PLSCR2: variants seen among roughly 807,000 people sequenced by gnomAD.
The protein encoded by PLSCR2 is phospholipid scramblase 2, also known as PL scramblase 2.
In PLSCR2, 18 loss-of-function variants were observed where a neutral mutation model predicts 25.3. That is an observed-to-expected ratio of 0.71 (90% CI 0.49 to 1.06). PLSCR2 has a LOEUF of 1.06. Ranked by LOEUF, PLSCR2 falls within the 50% of genes least tolerant of loss-of-function variation. PLSCR2 has a pLI of 0.00. For synonymous variants in PLSCR2, 88 were observed against 87.3 expected (o/e 1.01, Z -0.04); for missense variants, 243 against 269.5 (o/e 0.90, Z 0.69).
intron 2 of PLSCR2, among the ~76,000 whole-genome samples, chr3:146,405,312 T>C (rs544189506): frequency 6.6e-6 from 1 of 152,180 alleles, no homozygotes. Context: ...ATCAATCAGA[T>C]GAATTCTTGG....
At chr3:146,474,433 C>A (rs1560044998) in intron 1 of PLSCR2, among the ~76,000 whole-genome samples, 5 of 152,082 alleles carry the variant, frequency 3.3e-5, no homozygotes, top group African/African-American at 9.6e-5. Context: ...GTTGGAAATT[C>A]TTTTTTTTAA....
At chr3:146,455,425 T>C in exon 4 of PLSCR2, 1 of 1,611,900 alleles carries the variant, frequency 6.2e-7, no homozygotes, top group Non-Finnish European at 8.5e-7. Context: ...TGTTCTTGAT[T>C]TCATACATGT....
chr3:146,432,964 C>T (rs1269799749), downstream of PLSCR2, among the ~76,000 whole-genome samples: 1 of 151,942 alleles, frequency 6.6e-6, no homozygotes, highest in African/African-American at 2.4e-5. Context: ...TTCTTGCCTC[C>T]AACTGATTTC....
At chr3:146,393,603 G>A (rs1444454201) in intron 3 of PLSCR2, among the ~76,000 whole-genome samples, 3 of 151,772 alleles carry the variant, frequency 2.0e-5, no homozygotes, top group Non-Finnish European at 4.4e-5. Flanking sequence ...GAGGTCAAGA[G>A]ATTGAGACCA....
At chr3:146,445,457 C>T (rs1174851804) in intron 6 of PLSCR2, among the ~76,000 whole-genome samples, 1 of 151,858 alleles carries the variant, frequency 6.6e-6, no homozygotes, top group East Asian at 1.9e-4. Flanking sequence ...CGTTTTTTTT[C>T]CTTCAGCACT....
rs376529102 is a variant in PLSCR2, at chr3:146,455,479, C to G, written c.101-20G>C. On this transcript the variant is annotated intron_variant, in intron 3 of 6. Coordinates refer to ENST00000610787, the Ensembl canonical transcript of PLSCR2. Reference sequence around the variant, plus strand: ...ATAGAACTAAAAATGAAAATAAAATCAGTTGCCTTTACGTTAAAATGATTG... The same window carrying G: ...ATAGAACTAAAAATGAAAATAAAATGAGTTGCCTTTACGTTAAAATGATTG... 4.2e-4 allele frequency: 612 copies of G among 1,456,356 alleles called. 6 individuals carry two copies. The Middle Eastern group carries it at 9.0e-3, about 21-fold the overall frequency. The allele number at this position is 1,456,356 out of a possible 1,614,324, so 90.2% of individuals were successfully genotyped here.
At chr3:146,464,528 A>G (rs1277462216), upstream of PLSCR2, among the ~76,000 whole-genome samples, 1 of 152,222 alleles carries the variant, frequency 6.6e-6, no homozygotes, top group African/African-American at 2.4e-5. Flanking sequence ...TAAATTCTAG[A>G]AATAACTTCA....
chr3:146,402,685 G>A (rs966279901), intron 2 of PLSCR2, among the ~76,000 whole-genome samples: 1 of 152,070 alleles, frequency 6.6e-6, no homozygotes, highest in African/African-American at 2.4e-5. Context: ...GGCCAGGCTG[G>A]TCTTGAACTC....
intron 1 of PLSCR2, among the ~76,000 whole-genome samples, chr3:146,474,501 C>T (rs1362952329): frequency 1.3e-5 from 2 of 152,084 alleles, no homozygotes; most frequent in African/African-American, 4.8e-5. Context: ...GCTGAGAGGT[C>T]TGTTTTTATC....
chr3:146,448,055 G>C (rs771111374), intron 6 of PLSCR2, among the ~76,000 whole-genome samples: 1 of 152,090 alleles, frequency 6.6e-6, no homozygotes, highest in South Asian at 2.1e-4. Flanking sequence ...CCACTGCCGG[G>C]TATGGGGGAG....
Position 146,454,169 on chromosome 3 carries a change from A to G in PLSCR2, c.322-6T>C, listed in dbSNP as rs368989965. 58 of 1,563,852 alleles carry G rather than the reference A, an allele frequency of 3.7e-5. No individual in the cohort carries two copies. The highest frequency in any genetic ancestry group is 4.8e-5 in the Non-Finnish European group (55 of 1,155,186). Reference sequence around the variant, plus strand: ...GGAGGAGCTTGGATTTCTATCTACAAAAGTAAAATATGTGTGAACGTAATA... The same window carrying G: ...GGAGGAGCTTGGATTTCTATCTACAGAAGTAAAATATGTGTGAACGTAATA... On this transcript the variant is annotated splice_polypyrimidine_tract_variant and splice_region_variant and intron_variant, in intron 4 of 6. Coordinates refer to ENST00000610787, the Ensembl canonical transcript of PLSCR2.
chr3:146,463,272 A>G (rs1576689711), upstream of PLSCR2, among the ~76,000 whole-genome samples: 1 of 151,728 alleles, frequency 6.6e-6, no homozygotes, highest in African/African-American at 2.4e-5. Context: ...CGCCTCCCAG[A>G]TTCACGCCAT....
intron 2 of PLSCR2, among the ~76,000 whole-genome samples, chr3:146,459,455 C>G (rs1181844406): frequency 6.6e-6 from 1 of 152,128 alleles, no homozygotes; most frequent in African/African-American, 2.4e-5. Flanking sequence ...TATAACTGCT[C>G]TGGACCTCAG....
At chr3:146,476,075 T>C (rs544038043) in intron 1 of PLSCR2, among the ~76,000 whole-genome samples, 1 of 152,014 alleles carries the variant, frequency 6.6e-6, no homozygotes, top group Admixed American at 6.5e-5. Context: ...AAAACTGTTA[T>C]ATAGCGGGGG....
chr3:146,461,519 T>C (rs1320842384), upstream of PLSCR2, among the ~76,000 whole-genome samples: 2 of 152,158 alleles, frequency 1.3e-5, no homozygotes, highest in Non-Finnish European at 2.9e-5. Flanking sequence ...GACTTCATAT[T>C]GGTATGATGG....
At chr3:146,435,040 C>A (rs1039822172) in intron 8 of PLSCR2, among the ~76,000 whole-genome samples, 67 of 151,362 alleles carry the variant, frequency 4.4e-4, no homozygotes, top group African/African-American at 1.6e-3. Context: ...TCTGTCCTTG[C>A]TATAGTTTAC....
At chr3:146,416,288 A>G (rs1381725855) in intron 2 of PLSCR2, among the ~76,000 whole-genome samples, 1 of 152,154 alleles carries the variant, frequency 6.6e-6, no homozygotes, top group African/African-American at 2.4e-5. Context: ...TTCCTAGGAA[A>G]TAAATTTGTA....
intron 1 of PLSCR2, among the ~76,000 whole-genome samples, chr3:146,471,683 C>T (rs557091385): frequency 2.8e-4 from 42 of 152,084 alleles, no homozygotes; most frequent in African/African-American, 8.2e-4. Context: ...TCTCTTGCCT[C>T]AGCCTCCCAA....
chr3:146,495,787 G>A, intron 1 of PLSCR2: 1 of 365,894 alleles, frequency 2.7e-6, no homozygotes, highest in East Asian at 5.7e-5. Flanking sequence ...TCCCCATTAG[G>A]TAGTTCGTGA....
Sources: allele counts gnomAD v4.1 joint callset (sites outside exome capture counted in the v4.1 genomes callset), GRCh38; gene constraint gnomAD v4.1.1; transcripts MANE v1.5; gene names NCBI Gene and HGNC (gene_info 2026-07-23, HGNC 2026-07-21).